SCN11A: variants seen among roughly 807,000 people sequenced by gnomAD.
The protein encoded by SCN11A is sodium voltage-gated channel alpha subunit 11.
Under a neutral mutation model 162.2 loss-of-function variants are expected in SCN11A, and 122 were observed. That is an observed-to-expected ratio of 0.75 (90% CI 0.65 to 0.87). The LOEUF is 0.87. SCN11A is among the 40% of genes least tolerant of loss of function. The pLI, the probability that SCN11A is intolerant of heterozygous loss-of-function variation, is 0.00. For missense variants in SCN11A, 2,015 were observed against 2,181.6 expected, an observed-to-expected ratio of 0.92 and a Z score of 1.52; for synonymous variants, 758 against 751.5, an observed-to-expected ratio of 1.01 and a Z score of -0.14.
At chr3:38,870,629 T>C in intron 26 of SCN11A, 62 bp downstream of exon 26, 1 of 1,401,948 alleles carries the variant, frequency 7.1e-7, no homozygotes, top group African/African-American at 1.4e-5. Context: ...GGACTGTCCA[T>C]GTAGTCATGA....
At chr3:39,042,033 C>T (rs1230764381) in intron 1 of SCN11A, among the ~76,000 whole-genome samples, 1 of 152,120 alleles carries the variant, frequency 6.6e-6, no homozygotes, top group Admixed American at 6.6e-5. Context: ...CTTTGGGAGG[C>T]TGAGGCAGGA....
rs757816125 is a variant in SCN11A, at chr3:38,847,692, T to TC, written c.4377dup (p.Thr1460AspfsTer71). 1.2e-6 allele frequency: 2 copies of TC among 1,613,078 alleles called. No individual in the cohort carries two copies. The highest frequency in any genetic ancestry group is 3.3e-5 in the Admixed American group (2 of 59,952). On this transcript the variant is annotated frameshift_variant, in exon 30 of 30. Coordinates refer to ENST00000302328, the MANE Select transcript of SCN11A (RefSeq NM_001349253.2). LOFTEE classifies it low-confidence loss of function (END_TRUNC). Reference sequence around the variant, plus strand: ...GCCAAGCGGACAATTCTGAAGAGCGTCGGAGGGAAAGGAATGTGCTCCTGA... The same window carrying TC: ...GCCAAGCGGACAATTCTGAAGAGCGTCCGGAGGGAAAGGAATGTGCTCCTGA...
intron 29 of SCN11A, 167 bp downstream of exon 29, chr3:38,850,314 C>A (rs1003644765): frequency 1.6e-5 from 10 of 619,026 alleles, no homozygotes; most frequent in Non-Finnish European, 2.8e-5. Flanking sequence ...TATCTCCTAG[C>A]AACTTCCCAG....
chr3:38,945,432 C>T lies in SCN11A; in HGVS notation c.467G>A (p.Ser156Asn), dbSNP rs1309169583. The change falls in exon 7 of 30, where the codon AGT becomes AAT. Residue 156 changes from serine (S) to asparagine (N), a missense_variant. Coordinates refer to ENST00000302328, the MANE Select transcript of SCN11A (RefSeq NM_001349253.2). ...MATGPAKNSN[S>N]NNTDIAECVF... is the part of the protein sequence containing the mutation. ...TTACTCTGCAATGTCAGTATTGTTA[C>T]TGTTGCTGTTTTTAGCAGGCCCTGT... 7.5e-6 allele frequency: 12 copies of T among 1,609,768 alleles called. 1 individual carries two copies. In the Admixed American group the frequency reaches 1.7e-4, roughly 22 times the overall value.
chr3:38,913,677 G>T (rs1413364126), intron 11 of SCN11A, among the ~76,000 whole-genome samples: 1 of 152,168 alleles, frequency 6.6e-6, no homozygotes, highest in Non-Finnish European at 1.5e-5. Flanking sequence ...TTTGTATATG[G>T]TGTAAGAAAG....
intron 7 of SCN11A, among the ~76,000 whole-genome samples, chr3:38,929,853 A>C (rs2066213265): frequency 6.6e-6 from 1 of 152,072 alleles, no homozygotes; most frequent in Non-Finnish European, 1.5e-5. Context: ...GCCTTCTGCC[A>C]TGGGATGATG....
chr3:38,921,368 T>G (rs1018745605), intron 9 of SCN11A, 113 bp from the exon 10 acceptor site: 1 of 934,408 alleles, frequency 1.1e-6, no homozygotes, highest in Non-Finnish European at 1.6e-6. Context: ...AGGCTGGAAC[T>G]GGACTCCAGC....
In SCN11A at chr3:38,850,499, C is replaced by A; in HGVS notation, c.4309G>T (p.Val1437Leu). ...NGWNLFDCVV[V>L]LLSIVSTMIS... ...TACTTACTAACAATGGAAAGAAGCA[C>A]GACCACACAGTCAAATAAATTCCAG... Residue 1437 changes from valine to leucine, a missense_variant, in exon 29 of 30, where the codon GTG becomes TTG. Coordinates refer to ENST00000302328, the MANE Select transcript of SCN11A (RefSeq NM_001349253.2). 1 of 1,613,224 alleles carries A rather than the reference C, an allele frequency of 6.2e-7. No homozygotes were observed. The highest frequency in any genetic ancestry group is 8.5e-7 in the Non-Finnish European group (1 of 1,179,568).
At chr3:38,935,963 A>G (rs2066324522) in intron 7 of SCN11A, among the ~76,000 whole-genome samples, 1 of 152,246 alleles carries the variant, frequency 6.6e-6, no homozygotes, top group South Asian at 2.1e-4. Context: ...GGATGCAAAA[A>G]TCCTCAATAA....
chr3:38,890,130 A>G (rs1215675242), intron 19 of SCN11A, among the ~76,000 whole-genome samples: 1 of 152,162 alleles, frequency 6.6e-6, no homozygotes, highest in Non-Finnish European at 1.5e-5. Context: ...TTATCCCAGA[A>G]GCGGCAGCCC....
At chr3:39,027,176 T>C (rs2031609305) in intron 2 of SCN11A, among the ~76,000 whole-genome samples, 1 of 152,136 alleles carries the variant, frequency 6.6e-6, no homozygotes, top group African/African-American at 2.4e-5. Context: ...ATGGGTAGAA[T>C]GAGGGACATT....
chr3:38,978,905 C>T (rs920083756), intron 2 of SCN11A, among the ~76,000 whole-genome samples: 6 of 152,092 alleles, frequency 3.9e-5, no homozygotes, highest in Non-Finnish European at 4.4e-5. Context: ...ACATGCCACT[C>T]GACCTAAAAC....
At chr3:38,935,294 C>A (rs2066312307) in intron 7 of SCN11A, among the ~76,000 whole-genome samples, 1 of 151,848 alleles carries the variant, frequency 6.6e-6, no homozygotes, top group South Asian at 2.1e-4. Context: ...AAAATTGACA[C>A]CCTAACATCA....
intron 3 of SCN11A, among the ~76,000 whole-genome samples, chr3:38,954,225 T>C (rs1314370827): frequency 2.6e-5 from 4 of 152,178 alleles, no homozygotes; most frequent in Non-Finnish European, 4.4e-5. Flanking sequence ...CCCCTCCTCA[T>C]GAACATGTGT....
intron 7 of SCN11A, among the ~76,000 whole-genome samples, chr3:38,931,180 A>G (rs186168003): frequency 3.9e-5 from 6 of 152,362 alleles, no homozygotes; most frequent in African/African-American, 1.4e-4. Context: ...CCCCAAGGAC[A>G]TTGCCAGGAT....
chr3:38,912,035 GA>G (rs1237778790), intron 11 of SCN11A, among the ~76,000 whole-genome samples: 1 of 152,178 alleles, frequency 6.6e-6, no homozygotes, highest in East Asian at 1.9e-4. Context: ...CTGGTGGGCA[GA>G]GTGGGAATTT....
At chr3:38,934,759 A>T (rs2066302300) in intron 7 of SCN11A, among the ~76,000 whole-genome samples, 1 of 151,974 alleles carries the variant, frequency 6.6e-6, no homozygotes, top group Non-Finnish European at 1.5e-5. Context: ...AGAGACTTAG[A>T]CTCCCACACA....
chr3:39,008,231 T>C (rs1293729402), intron 2 of SCN11A, among the ~76,000 whole-genome samples: 2 of 152,184 alleles, frequency 1.3e-5, no homozygotes, highest in African/African-American at 4.8e-5. Flanking sequence ...TTCAAAATAA[T>C]AATGGAAAAT....
intron 7 of SCN11A, among the ~76,000 whole-genome samples, chr3:38,944,677 A>G (rs528768170): frequency 6.6e-6 from 1 of 151,378 alleles, no homozygotes; most frequent in South Asian, 2.1e-4. Context: ...ATTTAAGAAT[A>G]GGGCTGCGTG....
Sources: gnomAD v4.1 joint callset for allele counts (sites outside exome capture counted in the v4.1 genomes callset) on GRCh38, gnomAD v4.1.1 for gene constraint, MANE v1.5 for transcripts, NCBI Gene and HGNC (gene_info 2026-07-23, HGNC 2026-07-21) for gene names.